The following MTUS2 variants were observed in gnomAD, a reference collection of about 807,000 sequenced individuals.
MTUS2 encodes the protein microtubule associated scaffold protein 2, also known as microtubule-associated tumor suppressor candidate 2.
Under a neutral mutation model 114.1 loss-of-function variants are expected in MTUS2, and 40 were observed. The ratio of observed to expected loss-of-function variants is 0.35; its 90% CI spans 0.27 to 0.46. MTUS2 has a LOEUF of 0.46. Among genes scored for constraint, MTUS2 ranks in the 20% least tolerant of loss-of-function variants. MTUS2 has a pLI of 1.00. For missense variants in MTUS2, 1,679 were observed against 1,705.4 expected (o/e 0.98, Z 0.27); for synonymous variants, 688 against 672.0 (o/e 1.02, Z -0.37).
At chr13:29,141,912 T>G (rs1315339539) in intron 5 of MTUS2, among the ~76,000 whole-genome samples, 1 of 150,264 alleles carries the variant, frequency 6.7e-6, no homozygotes, top group African/African-American at 2.5e-5. Context: ...CAGGCTGGAG[T>G]GCAGTGGTGT....
intron 5 of MTUS2, among the ~76,000 whole-genome samples, chr13:29,155,770 T>G (rs1396635082): frequency 6.6e-6 from 1 of 152,166 alleles, no homozygotes; most frequent in East Asian, 1.9e-4. Context: ...GTCATAGAGA[T>G]ATGTATATAT....
At chr13:28,831,803 C>T (rs968538188) in intron 1 of MTUS2, among the ~76,000 whole-genome samples, 1 of 151,902 alleles carries the variant, frequency 6.6e-6, no homozygotes, top group Non-Finnish European at 1.5e-5. Flanking sequence ...GCTGCTCAGG[C>T]TGGAGTGCAG....
chr13:29,401,693 T>C (rs1173665670), intron 8 of MTUS2, among the ~76,000 whole-genome samples: 1 of 152,224 alleles, frequency 6.6e-6, no homozygotes, highest in Non-Finnish European at 1.5e-5. Flanking sequence ...TCTTTTTTTG[T>C]TCCGTGGATC....
chr13:29,440,485 T>C (rs1877755068), intron 9 of MTUS2, among the ~76,000 whole-genome samples: 1 of 151,902 alleles, frequency 6.6e-6, no homozygotes, highest in Admixed American at 6.6e-5. Flanking sequence ...AATACGAGAG[T>C]TCATGTTGAA....
chr13:29,389,374 T>A (rs1277410902), intron 8 of MTUS2, among the ~76,000 whole-genome samples: 1 of 37,760 alleles, frequency 2.6e-5, no homozygotes, highest in African/African-American at 5.7e-5. Context: ...CACGTGTGTG[T>A]ATATATGTAT....
At chr13:29,276,997 G>A (rs1898090928) in intron 5 of MTUS2, among the ~76,000 whole-genome samples, 1 of 152,162 alleles carries the variant, frequency 6.6e-6, no homozygotes, top group Non-Finnish European at 1.5e-5. Flanking sequence ...TACTGGAAAT[G>A]CCTCTTCTCC....
chr13:29,152,609 A>G lies in MTUS2; in HGVS notation c.2644+51639A>G, dbSNP rs76518761. ...GCTCACTCACATGGCTGCTGGCAAG[A>G]TTTGGTTCATTGACAGTTGCTGGAC... On this transcript the variant is annotated intron_variant, in intron 5 of 15. Coordinates refer to ENST00000612955, the MANE Select transcript of MTUS2 (RefSeq NM_001033602.4). 2.6e-5 allele frequency among the ~76,000 whole-genome samples: 4 copies of G among 152,176 alleles called. No individual in the cohort carries two copies. In the East Asian group the frequency reaches 7.7e-4, roughly 29 times the overall value.
At chr13:29,301,670 T>C (rs1250681635) in intron 6 of MTUS2, among the ~76,000 whole-genome samples, 1 of 152,184 alleles carries the variant, frequency 6.6e-6, no homozygotes, top group African/African-American at 2.4e-5. Flanking sequence ...GAATTCCTCA[T>C]TGGAAAAAGG....
At chr13:29,210,229 C>G (rs1333483033) in intron 5 of MTUS2, among the ~76,000 whole-genome samples, 3 of 151,904 alleles carry the variant, frequency 2.0e-5, no homozygotes, top group Non-Finnish European at 4.4e-5. Context: ...TGACACTTTC[C>G]AGTGTATTTT....
intron 5 of MTUS2, among the ~76,000 whole-genome samples, chr13:29,177,283 C>T (rs1377880442): frequency 1.3e-5 from 2 of 150,584 alleles, no homozygotes; most frequent in Non-Finnish European, 2.9e-5. Context: ...ATACTTAAAG[C>T]TATGAGACTA....
chr13:29,047,194 C>A (rs1466308981), intron 4 of MTUS2, among the ~76,000 whole-genome samples: 1 of 152,174 alleles, frequency 6.6e-6, no homozygotes, highest in African/African-American at 2.4e-5. Context: ...TGTAACCTTG[C>A]AGAAATTATA....
At chr13:29,341,729 T>C (rs1901411753) in intron 7 of MTUS2, among the ~76,000 whole-genome samples, 2 of 152,154 alleles carry the variant, frequency 1.3e-5, no homozygotes, top group South Asian at 4.1e-4. Context: ...AGCCAGTGTC[T>C]ACAAGGGTTT....
At chr13:29,276,587 C>T (rs1042167135) in intron 5 of MTUS2, among the ~76,000 whole-genome samples, 2 of 152,150 alleles carry the variant, frequency 1.3e-5, no homozygotes, top group Non-Finnish European at 2.9e-5. Context: ...TGGCCACCAA[C>T]CAGCTCAATA....
At chr13:29,286,568 C>G (rs1412464945) in intron 6 of MTUS2, among the ~76,000 whole-genome samples, 2 of 152,158 alleles carry the variant, frequency 1.3e-5, no homozygotes, top group African/African-American at 4.8e-5. Context: ...AGAGGAAAGG[C>G]AGGTAGTGTG....
intron 5 of MTUS2, among the ~76,000 whole-genome samples, chr13:29,144,666 G>T (rs1206833850): frequency 1.3e-5 from 2 of 152,142 alleles, no homozygotes; most frequent in Non-Finnish European, 2.9e-5. Context: ...TTGCCACATG[G>T]GCTTGCTCAA....
chr13:29,442,625 C>T (rs1410758062), intron 9 of MTUS2, among the ~76,000 whole-genome samples: 1 of 2,502 alleles, frequency 4.0e-4, no homozygotes, highest in Non-Finnish European at 2.9e-3. Flanking sequence ...CTGAATCCCC[C>T]AAACCAGCAC....
At chr13:28,936,652 G>A (rs1025712226) in intron 2 of MTUS2, among the ~76,000 whole-genome samples, 5 of 152,256 alleles carry the variant, frequency 3.3e-5, no homozygotes, top group Admixed American at 1.3e-4. Flanking sequence ...GGCAGCGTTG[G>A]AGGAGGGCGT....
chr13:28,877,491 A>T (rs1878017951), intron 2 of MTUS2, among the ~76,000 whole-genome samples: 2 of 152,206 alleles, frequency 1.3e-5, no homozygotes, highest in South Asian at 4.1e-4. Context: ...AAGAAAGGAA[A>T]TCTGATTCAT....
chr13:29,139,504 A>G (rs1892125169), intron 5 of MTUS2, among the ~76,000 whole-genome samples: 1 of 152,180 alleles, frequency 6.6e-6, no homozygotes, highest in South Asian at 2.1e-4. Context: ...GATGTTTATT[A>G]TGATGCTAAA....
Sources: gnomAD v4.1 joint callset for allele counts (sites outside exome capture counted in the v4.1 genomes callset) on GRCh38, gnomAD v4.1.1 for gene constraint, MANE v1.5 for transcripts, NCBI Gene and HGNC (gene_info 2026-07-23, HGNC 2026-07-21) for gene names.